Variants in NDST2 observed in about 807,000 individuals in gnomAD.
NDST2 encodes the protein N-deacetylase and N-sulfotransferase 2, also known as bifunctional heparan sulfate N-deacetylase/N-sulfotransferase 2.
NDST2 carries 32 observed loss-of-function variants against 86.9 expected under a neutral mutation model. The observed-to-expected ratio is 0.37, with a 90% confidence interval of 0.28 to 0.49. The LOEUF is 0.49. NDST2 is among the 20% of genes least tolerant of loss of function. The probability of loss-of-function intolerance (pLI) is 0.97; values close to 1 mark genes in which losing one functional copy is unlikely to be tolerated. For missense variants in NDST2, 950 were observed against 1,146.9 expected (o/e 0.83, Z 2.48); for synonymous variants, 409 against 437.0 (o/e 0.94, Z 0.80).
intron 8 of NDST2, among the ~76,000 whole-genome samples, chr10:73,805,242 G>A (rs1171112326): frequency 6.6e-6 from 1 of 151,798 alleles, no homozygotes; most frequent in Non-Finnish European, 1.5e-5. Flanking sequence ...GCTGGGCGCA[G>A]TGGCTTACAT....
chr10:73,802,616 G>A, intron 14 of NDST2, 40 bp from the exon 15 acceptor site: 1 of 1,614,204 alleles, frequency 6.2e-7, no homozygotes, highest in Non-Finnish European at 8.5e-7. Flanking sequence ...TAAGAAGTGG[G>A]ACACAGAATC....
rs199833636 is a variant in NDST2 at position 73,808,160 on chromosome 10, G to A, written c.229C>T (p.Pro77Ser). Residue 77 changes from proline (P) to serine (S), a missense_variant, in exon 3 of 15, where the codon CCT (proline) becomes TCT (serine). By Grantham distance (74) the Pro-to-Ser change is moderately conservative. Transcript: ENST00000309979. The surrounding 1 kb of genome is among the most constrained non-coding windows in gnomAD (Gnocchi z 4.3). ...RPPVPPRPPR[P>S]PETARTEPVV... is the part of the protein sequence containing the mutation. ...GGTTCAGTTCGAGCTGTCTCTGGAG[G>A]CCTGGGGGGCCGAGGTGGAACTGGA... 2.5e-6 allele frequency: 4 copies of A among 1,614,222 alleles called. No homozygotes were observed. The East Asian group carries it at 8.9e-5, about 36-fold the overall frequency.
At position 73,810,119 on chromosome 10, in the gene NDST2, G is replaced by A. The variant is rs72814354; in HGVS notation, c.-342+680C>T. ...CCACCCCCAAACACACATCTCAGGG[G>A]TGATAAGGCAGAGCTGAGGTCCTTC... On this transcript the variant is annotated intron_variant, in intron 2 of 14. Transcript: ENST00000309979. 9.0e-3 allele frequency among the ~76,000 whole-genome samples: 1,370 copies of A among 152,268 alleles called. 15 individuals carry two copies. The highest frequency in any genetic ancestry group is 0.016 in the Non-Finnish European group (1,075 of 68,018).
At chr10:73,805,429 G>A (rs978428615) in intron 8 of NDST2, among the ~76,000 whole-genome samples, 158 bp downstream of exon 8, 17 of 152,086 alleles carry the variant, frequency 1.1e-4, no homozygotes, top group African/African-American at 3.1e-4. Context: ...CAGGAGAATC[G>A]CTTGAACCTG....
chr10:73,808,169 G>T lies in NDST2; in HGVS notation c.220C>A (p.Pro74Thr), dbSNP rs1452029662. ...GPARPPVPPR[P>T]PRPPETARTE... ...CGAGCTGTCTCTGGAGGCCTGGGGGGCCGAGGTGGAACTGGAGGCCGTGCA... is the reference window on the plus strand; with the variant it reads ...CGAGCTGTCTCTGGAGGCCTGGGGGTCCGAGGTGGAACTGGAGGCCGTGCA... The change falls in exon 3 of 15, where the codon CCC becomes ACC. Residue 74 changes from proline to threonine, a missense_variant. By Grantham distance (38) the Pro-to-Thr change is conservative. Transcript: ENST00000309979. This position sits in a 1 kb window ranked among gnomAD's most constrained non-coding sequence, Gnocchi z 4.3. 1 of 1,614,084 alleles carries T rather than the reference G, an allele frequency of 6.2e-7. No individual in the cohort carries two copies. Among genetic ancestry groups the T allele is most frequent in the Non-Finnish European group, 8.5e-7 (1 of 1,180,022 alleles).
chr10:73,803,271 C>A lies in NDST2; in HGVS notation c.2231G>T (p.Arg744Leu). The change falls in exon 12 of 15, where the codon CGC becomes CTC. Residue 744 changes from arginine (R) to leucine (L), a missense_variant. Around this residue, in one of 5 missense-constraint regions of NDST2, gnomAD observed 303 missense variants for 323.7 expected, o/e 0.94. Transcript: ENST00000309979. Reference sequence around the variant, plus strand: ...GACAAGACAGCGGTTCTGCAGGGAGCGTAGTGCCAGAGGGGTCTGGGAGGA... The same window carrying A: ...GACAAGACAGCGGTTCTGCAGGGAGAGTAGTGCCAGAGGGGTCTGGGAGGA... ...SASSQTPLAL[R>L]SLQNRCLVPG... The A allele has an allele frequency of 6.2e-7, 1 of 1,614,086 alleles. No homozygotes were observed. Among genetic ancestry groups the A allele is most frequent in the Non-Finnish European group, 8.5e-7 (1 of 1,179,986 alleles).
intron 12 of NDST2, 40 bp from the exon 13 acceptor site, chr10:73,803,121 A>C: frequency 6.2e-7 from 1 of 1,613,658 alleles, no homozygotes; most frequent in Non-Finnish European, 8.5e-7. Context: ...TATTCCTAAG[A>C]AGCCTCTGGG....
In NDST2 at chr10:73,803,261, C is replaced by T. The variant is rs546641590; in HGVS notation, c.2241G>A (p.Gln747=). Residue 747 remains glutamine (Q), a synonymous_variant, in exon 12 of 15, where the codon CAG becomes CAA. Transcript: ENST00000309979. Reference sequence around the variant, plus strand: ...AGTAGCCAGGGACAAGACAGCGGTTCTGCAGGGAGCGTAGTGCCAGAGGGG... The same window carrying T: ...AGTAGCCAGGGACAAGACAGCGGTTTTGCAGGGAGCGTAGTGCCAGAGGGG... ...SQTPLALRSL[Q]NRCLVPGYYS... 8.7e-6 allele frequency: 14 copies of T among 1,614,202 alleles called. No individual in the cohort carries two copies. The African/African-American group carries it at 1.6e-4, about 18-fold the overall frequency.
Position 73,802,067 on chromosome 10 carries a change from G to C in NDST2, c.*384C>G. On this transcript the variant is annotated 3_prime_UTR_variant, in exon 15 of 15. Coordinates refer to ENST00000309979, the MANE Select transcript of NDST2 (RefSeq NM_003635.4). ...TAGATCCCACTGCCTGGCTAAAGGG[G>C]CCATAGCAAGGGGTCCCTCCCATGC... 2.8e-6 allele frequency: 1 copy of C among 362,420 alleles called. No homozygotes were observed. Among genetic ancestry groups the C allele is most frequent in the South Asian group, 2.5e-5 (1 of 39,438 alleles). The allele number at this position is 362,420 out of a possible 1,614,324, so 22.5% of individuals were successfully genotyped here. A position where few individuals can be genotyped will look rare whatever the true frequency, so the allele number is the denominator to read the frequency against.
chr10:73,804,209 G>A, intron 9 of NDST2, 193 bp from the exon 10 acceptor site: 1 of 575,112 alleles, frequency 1.7e-6, no homozygotes, highest in Non-Finnish European at 3.1e-6. Context: ...TGCTTTAACT[G>A]TGCACCAGAA....
rs1207208990 is a variant in NDST2, at chr10:73,807,857, T to C, written c.532A>G (p.Ser178Gly). The part of the protein sequence containing the change: ...IIGFFRAHEH[S>G]LLSAQLKGFP... The stretch of plus-strand genomic sequence containing the variant: ...CCCTTGAGCTGGGCGCTCAGTAGGC[T>C]GTGCTCGTGGGCTCGGAAAAAGCCA... The change falls in exon 3 of 15, where the codon AGC (serine) becomes GGC (glycine). Residue 178 changes from serine to glycine, a missense_variant. Physicochemically the swap from Ser to Gly is moderately conservative, Grantham distance 56 (BLOSUM62 0). Transcript: ENST00000309979. 1.2e-6 allele frequency: 2 copies of C among 1,605,818 alleles called. No individual in the cohort carries two copies. The highest frequency in any genetic ancestry group is 1.7e-6 in the Non-Finnish European group (2 of 1,173,252).
In NDST2 at chr10:73,805,614, G is replaced by A. The variant is rs777700179; in HGVS notation, c.1719C>T (p.Phe573=). ...GCCAAAGGGGGCTTCGCTCCTGAGG[G>A]AAAAGTTCAAAGTACTTCTGTGCAA... ...VPLAQKYFEL[F]PQERSPLWQN... The change falls in exon 8 of 15, where the codon TTC becomes TTT. Residue 573 remains phenylalanine (F), a synonymous_variant. Transcript: ENST00000309979. The A allele has an allele frequency of 6.2e-7, 1 of 1,614,184 alleles. No individual in the cohort carries two copies. The highest frequency in any genetic ancestry group is 1.1e-5 in the South Asian group (1 of 91,078).
chr10:73,807,991 C>T lies in NDST2; in HGVS notation c.398G>A (p.Gly133Asp). The T allele has an allele frequency of 6.2e-7, 1 of 1,614,234 alleles. No individual in the cohort carries two copies. The highest frequency in any genetic ancestry group is 1.1e-5 in the South Asian group (1 of 91,092). The change falls in exon 3 of 15, where the codon GGC becomes GAC. Residue 133 changes from glycine (G) to aspartate (D), a missense_variant. By Grantham distance (94) the Gly-to-Asp change is moderately conservative. This residue lies in a region of NDST2 where 586 missense variants were observed against 714.0 expected (regional missense o/e 0.82). Coordinates refer to ENST00000309979, the MANE Select transcript of NDST2 (RefSeq NM_003635.4). ...DMPTLTDNTH[G>D]RYVLVIYENL... The stretch of plus-strand genomic sequence containing the variant: ...CTCATAAATGACCAAGACATAGCGG[C>T]CATGGGTATTATCAGTCAATGTGGG...
intron 13 of NDST2, 25 bp downstream of exon 13, chr10:73,802,947 C>G: frequency 6.2e-7 from 1 of 1,606,468 alleles, no homozygotes; most frequent in Non-Finnish European, 8.5e-7. Flanking sequence ...ATACAGTACT[C>G]CTCCCCTGGG....
chr10:73,803,519 T>TGGGGGGGGGGGGGGGG, intron 11 of NDST2, 55 bp downstream of exon 11: 13 of 565,852 alleles, frequency 2.3e-5, no homozygotes, highest in East Asian at 4.5e-5. Flanking sequence ...GCAGTCACTG[T>TGGGGGGGGGGGGGGGG]CCCCTCCCCC....
Position 73,802,331 on chromosome 10 carries a change from TG to T in NDST2, c.*119del. ...CTTCCCTTCTCAGCCATCTCAGGCC[TG>T]GGGGCTACTGAGGTAGAGGGGGAGG... On this transcript the variant is annotated 3_prime_UTR_variant, in exon 15 of 15. Coordinates refer to ENST00000309979, the MANE Select transcript of NDST2 (RefSeq NM_003635.4). 2.8e-6 allele frequency: 3 copies of T among 1,081,050 alleles called. No individual in the cohort carries two copies. The highest frequency in any genetic ancestry group is 4.0e-6 in the Non-Finnish European group (3 of 747,408). 67.0% of individuals were successfully genotyped at this position (1,081,050 alleles called of 1,614,324 possible).
chr10:73,806,860 C>G lies in NDST2; in HGVS notation c.1094-49G>C. 1.3e-6 allele frequency: 2 copies of G among 1,597,710 alleles called. No homozygotes were observed. The highest frequency in any genetic ancestry group is 2.2e-5 in the South Asian group (2 of 89,944). ...ACCACAGCCAGTCAGCCCCTGTTCC[C>G]TCCTTTATTTTGTAACAACACTGAC... is the stretch of plus-strand genomic sequence containing the variant. On this transcript the variant is annotated intron_variant, in intron 4 of 14. Transcript: ENST00000309979. The surrounding 1 kb of genome is among the most constrained non-coding windows in gnomAD (Gnocchi z 4.5).
At position 73,803,264 on chromosome 10, in the gene NDST2, C is replaced by T. The variant is rs776873894; in HGVS notation, c.2238G>A (p.Leu746=). The change falls in exon 12 of 15, where the codon CTG becomes CTA. Residue 746 remains leucine (L), a synonymous_variant. Transcript: ENST00000309979. ...AGCCAGGGACAAGACAGCGGTTCTG[C>T]AGGGAGCGTAGTGCCAGAGGGGTCT... ...SSQTPLALRS[L]QNRCLVPGYY... 6.2e-7 allele frequency: 1 copy of T among 1,614,176 alleles called. No individual in the cohort carries two copies. The highest frequency in any genetic ancestry group is 1.1e-5 in the South Asian group (1 of 91,088).
Position 73,808,141 on chromosome 10 carries a change from G to C in NDST2, c.248C>G (p.Thr83Ser). ...RPPRPPETAR[T>S]EPVVLVFVES... is the part of the protein sequence containing the mutation. ...CACAAACACAAGGACCACGGGTTCA[G>C]TTCGAGCTGTCTCTGGAGGCCTGGG... The change falls in exon 3 of 15, where the codon ACT becomes AGT. Residue 83 changes from threonine (T) to serine (S), a missense_variant. Thr to Ser is a moderately conservative substitution (Grantham distance 58). Coordinates refer to ENST00000309979, the MANE Select transcript of NDST2 (RefSeq NM_003635.4). This position sits in a 1 kb window ranked among gnomAD's most constrained non-coding sequence, Gnocchi z 4.3. 6.2e-7 allele frequency: 1 copy of C among 1,614,276 alleles called. No homozygotes were observed. Among genetic ancestry groups the C allele is most frequent in the African/African-American group, 1.3e-5 (1 of 75,076 alleles).
Sources: gnomAD v4.1 joint callset for allele counts (sites outside exome capture counted in the v4.1 genomes callset) on GRCh38, gnomAD v4.1.1 for gene constraint, gnomAD v4.1.1 regional missense constraint, Gnocchi (gnomAD v3.1) non-coding constraint, MANE v1.5 for transcripts, NCBI Gene and HGNC (gene_info 2026-07-23, HGNC 2026-07-21) for gene names.